The following PCDH15 variants were observed in gnomAD, a reference collection of about 807,000 sequenced individuals.
PCDH15 encodes the protein protocadherin related 15.
A neutral mutation model predicts 178.5 loss-of-function variants in PCDH15; 129 were observed. The observed-to-expected ratio is 0.72, with a 90% confidence interval of 0.63 to 0.84. PCDH15 has a LOEUF of 0.84. Ranked by LOEUF, PCDH15 falls within the 40% of genes least tolerant of loss-of-function variation. The probability of loss-of-function intolerance (pLI) is 0.00; values close to 1 mark genes in which losing one functional copy is unlikely to be tolerated. For missense variants in PCDH15, 2,230 were observed against 2,099.9 expected (o/e 1.06, Z -1.21); for synonymous variants, 800 against 732.0 (o/e 1.09, Z -1.50).
At chr10:54,230,787 CAAT>C (rs1310585957) in intron 9 of PCDH15, among the ~76,000 whole-genome samples, 5 of 151,854 alleles carry the variant, frequency 3.3e-5, no homozygotes, top group African/African-American at 9.7e-5. Context: ...ATACTGTTAG[CAAT>C]ATTATATTTA....
At chr10:55,395,577 A>C (rs2132018852) in intron 2 of PCDH15, among the ~76,000 whole-genome samples, 1 of 152,154 alleles carries the variant, frequency 6.6e-6, no homozygotes, top group Non-Finnish European at 1.5e-5. Context: ...GGTATTTGTA[A>C]TTTTTTAAGC....
chr10:54,660,945 T>C (rs757825829), intron 2 of PCDH15, among the ~76,000 whole-genome samples: 11 of 151,928 alleles, frequency 7.2e-5, no homozygotes, highest in Non-Finnish European at 7.4e-5. Context: ...AAACTAGGCA[T>C]TGAAAAAAAC....
intron 11 of PCDH15, among the ~76,000 whole-genome samples, chr10:54,188,352 C>A (rs1167497831): frequency 6.6e-6 from 1 of 151,798 alleles, no homozygotes; most frequent in African/African-American, 2.4e-5. Context: ...TGTACATGGA[C>A]AAATAATGCT....
intron 1 of PCDH15, among the ~76,000 whole-genome samples, chr10:54,681,348 C>A (rs984184904): frequency 2.0e-5 from 3 of 152,070 alleles, no homozygotes; most frequent in African/African-American, 7.2e-5. Context: ...ATGAAATGAA[C>A]ATGGCACTAA....
intron 9 of PCDH15, 95 bp downstream of exon 9, chr10:54,236,728 A>G (rs1461786276): frequency 9.7e-6 from 10 of 1,035,022 alleles, no homozygotes; most frequent in Non-Finnish European, 1.5e-5. Context: ...CAAATAATAA[A>G]CTTTGTTATT....
chr10:55,179,138 G>C (rs1019913249), intron 1 of PCDH15, among the ~76,000 whole-genome samples: 10 of 152,070 alleles, frequency 6.6e-5, no homozygotes, highest in Admixed American at 1.3e-4. Flanking sequence ...CATGTAAATG[G>C]AGCCTCAGAT....
At chr10:54,354,160 T>G (rs1005394273) in intron 5 of PCDH15, among the ~76,000 whole-genome samples, 1 of 152,082 alleles carries the variant, frequency 6.6e-6, no homozygotes, top group East Asian at 1.9e-4. Flanking sequence ...TAATTTTGTG[T>G]TTTTAGTAGA....
At chr10:53,895,287 T>C (rs2081875806) in intron 26 of PCDH15, among the ~76,000 whole-genome samples, 1 of 152,202 alleles carries the variant, frequency 6.6e-6, no homozygotes, top group Non-Finnish European at 1.5e-5. Flanking sequence ...CTTTTTTCTA[T>C]CTACGGCATC....
intron 5 of PCDH15, among the ~76,000 whole-genome samples, chr10:54,355,412 C>T (rs1468559799): frequency 3.3e-5 from 5 of 151,600 alleles, no homozygotes; most frequent in Non-Finnish European, 1.5e-5. Flanking sequence ...GAAATAAATT[C>T]AACTTAATTA....
intron 1 of PCDH15, among the ~76,000 whole-genome samples, chr10:55,208,295 C>T (rs1457580953): frequency 6.6e-6 from 1 of 152,054 alleles, no homozygotes; most frequent in African/African-American, 2.4e-5. Context: ...AATCAAAACG[C>T]TTGTTCCATC....
At chr10:54,793,350 C>T (rs1291458494) in intron 1 of PCDH15, among the ~76,000 whole-genome samples, 1 of 151,734 alleles carries the variant, frequency 6.6e-6, no homozygotes, top group Non-Finnish European at 1.5e-5. Context: ...ATACACCCAC[C>T]CAGAGGCAAT....
intron 1 of PCDH15, among the ~76,000 whole-genome samples, chr10:55,282,363 C>A (rs2132258579): frequency 6.6e-6 from 1 of 152,296 alleles, no homozygotes; most frequent in South Asian, 2.1e-4. Flanking sequence ...GTTCAAATAT[C>A]ATTCCTTGAT....
chr10:54,411,146 CATG>C lies in PCDH15; in HGVS notation c.158-32207_158-32205del, dbSNP rs1953446407. ...ATAACAGGTATGATCTAGGCTGACC[CATG>C]ATGCTTGGGTGGGTGGTGGGACATT... On this transcript the variant is annotated intron_variant, in intron 3 of 37. Transcript: ENST00000644397. 3.3e-5 allele frequency among the ~76,000 whole-genome samples: 5 copies of C among 152,128 alleles called. No homozygotes were observed. The East Asian group carries it at 9.7e-4, about 29-fold the overall frequency.
Position 55,472,319 on chromosome 10 carries a change from C to T in PCDH15, c.-156+155306G>A, listed in dbSNP as rs573024105. Among the ~76,000 whole-genome samples the T allele has an allele frequency of 2.6e-5, 4 of 152,196 alleles. No individual in the cohort carries two copies. In the South Asian group the frequency reaches 6.2e-4, roughly 24 times the overall value. On this transcript the variant is annotated intron_variant, in intron 2 of 5. Coordinates refer to the PCDH15 transcript ENST00000613346. ...GTGCCAATTATGCTTTCAACTTAAT[C>T]AGGAACATGTTGAGAATAATAAGTT...
intron 1 of PCDH15, among the ~76,000 whole-genome samples, chr10:54,784,216 C>T (rs926199850): frequency 2.0e-5 from 3 of 151,740 alleles, no homozygotes; most frequent in Admixed American, 6.6e-5. Flanking sequence ...TGAGGACACA[C>T]GGCCTAACCA....
intron 2 of PCDH15, among the ~76,000 whole-genome samples, chr10:55,119,854 A>G (rs1837721317): frequency 6.6e-6 from 1 of 152,242 alleles, no homozygotes; most frequent in South Asian, 2.1e-4. Context: ...AACAGGTGAC[A>G]AAAGATAGGA....
intron 20 of PCDH15, among the ~76,000 whole-genome samples, chr10:54,018,910 G>A (rs1426319789): frequency 1.3e-5 from 2 of 152,000 alleles, no homozygotes; most frequent in African/African-American, 2.4e-5. Context: ...AGATACAACT[G>A]TGAATAAAAT....
chr10:54,709,611 C>CAT (rs59241461), intron 1 of PCDH15, among the ~76,000 whole-genome samples: 54 of 116,408 alleles, frequency 4.6e-4, no homozygotes, highest in East Asian at 3.3e-3. Flanking sequence ...TATATATATA[C>CAT]ATATATATAT....
At chr10:54,988,342 C>A (rs1322451912) in intron 2 of PCDH15, among the ~76,000 whole-genome samples, 7 of 152,084 alleles carry the variant, frequency 4.6e-5, no homozygotes, top group Non-Finnish European at 8.8e-5. Flanking sequence ...GCTATAGATA[C>A]CCCAAAATAT....
Sources: allele counts gnomAD v4.1 joint callset (sites outside exome capture counted in the v4.1 genomes callset), GRCh38; gene constraint gnomAD v4.1.1; transcripts MANE v1.5; gene names NCBI Gene and HGNC (gene_info 2026-07-23, HGNC 2026-07-21).